IKZF3: variants seen among roughly 807,000 people sequenced by gnomAD.
The protein encoded by IKZF3 is zinc finger protein Aiolos.
In IKZF3, 10 loss-of-function variants were observed where a neutral mutation model predicts 49.0. That is an observed-to-expected ratio of 0.20 (90% CI 0.13 to 0.35). The LOEUF (loss-of-function observed/expected upper bound fraction) is 0.35. IKZF3 is among the 10% of genes least tolerant of loss of function. The probability of loss-of-function intolerance (pLI) is 1.00; values close to 1 mark genes in which losing one functional copy is unlikely to be tolerated. For missense variants in IKZF3, 498 were observed against 664.8 expected (o/e 0.75, Z 2.76); for synonymous variants, 209 against 228.2 (o/e 0.92, Z 0.76).
At chr17:39,821,214 C>T (rs1021120353) in intron 3 of IKZF3, among the ~76,000 whole-genome samples, 13 of 151,982 alleles carry the variant, frequency 8.6e-5, no homozygotes, top group Middle Eastern at 6.3e-3. Context: ...GAGCCCTTAA[C>T]CTGTGTGGTC....
chr17:39,852,612 A>T (rs145327054), intron 1 of IKZF3, among the ~76,000 whole-genome samples: 1 of 152,146 alleles, frequency 6.6e-6, no homozygotes, highest in African/African-American at 2.4e-5. Flanking sequence ...GTCTCCAGGC[A>T]CTATCCTGAG....
chr17:39,861,141 C>T (rs2063204705), intron 1 of IKZF3, among the ~76,000 whole-genome samples: 2 of 152,158 alleles, frequency 1.3e-5, no homozygotes. Context: ...CTGTCCTTCG[C>T]ATTCAGTGTA....
chr17:39,822,961 T>C (rs145450653), intron 3 of IKZF3, among the ~76,000 whole-genome samples: 3,031 of 152,118 alleles, frequency 0.02, 113 homozygotes, highest in African/African-American at 0.07. Context: ...GCTATAAAGA[T>C]ACCCAAAAAT....
chr17:39,863,416 C>A (rs1469824268), intron 1 of IKZF3, among the ~76,000 whole-genome samples: 2 of 151,774 alleles, frequency 1.3e-5, no homozygotes, highest in African/African-American at 2.4e-5. Context: ...TCCCACCATC[C>A]CCCCCCGAGT....
intron 1 of IKZF3, among the ~76,000 whole-genome samples, chr17:39,858,661 T>A (rs2063135198): frequency 6.6e-6 from 1 of 151,692 alleles, no homozygotes; most frequent in South Asian, 2.1e-4. Flanking sequence ...CAGGCGCCTG[T>A]AACCATCAAG....
chr17:39,855,122 T>C (rs1004713467), intron 1 of IKZF3, among the ~76,000 whole-genome samples: 3 of 152,180 alleles, frequency 2.0e-5, no homozygotes, highest in African/African-American at 4.8e-5. Context: ...GGCTGATCTA[T>C]GGCAAGAGGA....
chr17:39,831,212 C>T (rs112141468), intron 2 of IKZF3, among the ~76,000 whole-genome samples: 14,135 of 151,918 alleles, frequency 0.093, 1,351 homozygotes, highest in African/African-American at 0.25. Flanking sequence ...TGAAACCCCG[C>T]CTCTACTAAA....
chr17:39,799,387 AT>A (rs1308653556), intron 3 of IKZF3, among the ~76,000 whole-genome samples: 1 of 152,186 alleles, frequency 6.6e-6, no homozygotes, highest in African/African-American at 2.4e-5. Flanking sequence ...ACTTTCAATG[AT>A]TTCATTTGCT....
chr17:39,859,254 TTAA>T (rs1488882742), intron 1 of IKZF3, among the ~76,000 whole-genome samples: 1 of 151,882 alleles, frequency 6.6e-6, no homozygotes, highest in African/African-American at 2.4e-5. Context: ...GTAATATTAA[TTAA>T]TAAAGTTATA....
intron 3 of IKZF3, among the ~76,000 whole-genome samples, chr17:39,816,244 T>G (rs2061676219): frequency 6.6e-6 from 1 of 152,236 alleles, no homozygotes. Flanking sequence ...TACATGCATG[T>G]GATAAAAAGC....
chr17:39,830,227 T>C (rs2062073300), intron 2 of IKZF3, among the ~76,000 whole-genome samples: 1 of 152,248 alleles, frequency 6.6e-6, no homozygotes, highest in African/African-American at 2.4e-5. Flanking sequence ...GCTTTCTGTA[T>C]GCCAAATTCT....
chr17:39,846,126 C>T (rs1327110838), intron 1 of IKZF3, among the ~76,000 whole-genome samples: 1 of 152,106 alleles, frequency 6.6e-6, no homozygotes, highest in African/African-American at 2.4e-5. Context: ...TAACCAATCT[C>T]CTGATATGTT....
At chr17:39,770,443 T>C (rs1485733576) in intron 7 of IKZF3, among the ~76,000 whole-genome samples, 1 of 152,152 alleles carries the variant, frequency 6.6e-6, no homozygotes, top group African/African-American at 2.4e-5. Flanking sequence ...GTCAATGTCT[T>C]ATATCTTGGC....
intron 1 of IKZF3, among the ~76,000 whole-genome samples, chr17:39,853,833 TAA>T (rs34052978): frequency 2.0e-4 from 27 of 134,230 alleles, no homozygotes; most frequent in Admixed American, 3.0e-4. Context: ...AAACTCCGTC[TAA>T]AAAAAAAAAA....
At chr17:39,786,119 G>C (rs890666288) in intron 6 of IKZF3, among the ~76,000 whole-genome samples, 4 of 152,192 alleles carry the variant, frequency 2.6e-5, no homozygotes, top group African/African-American at 9.6e-5. Flanking sequence ...ATAATGTTCT[G>C]AAATAAGATA....
chr17:39,771,884 C>T (rs1355676211), intron 7 of IKZF3, among the ~76,000 whole-genome samples: 1 of 152,030 alleles, frequency 6.6e-6, no homozygotes, highest in Non-Finnish European at 1.5e-5. Flanking sequence ...GGACCACAGG[C>T]CCATGCCACC....
At chr17:39,802,221 CAAAAAAAAAAAAAAAAA>C (rs56029512) in intron 3 of IKZF3, among the ~76,000 whole-genome samples, 1 of 54,408 alleles carries the variant, frequency 1.8e-5, no homozygotes, top group Non-Finnish European at 3.0e-5. Flanking sequence ...GACTCCATCT[CAAAAAAAAAAAAAAAAA>C]AAAAAAAAGA....
intron 1 of IKZF3, among the ~76,000 whole-genome samples, chr17:39,847,969 A>G (rs1288178943): frequency 6.6e-6 from 1 of 152,236 alleles, no homozygotes; most frequent in African/African-American, 2.4e-5. Flanking sequence ...TTTAGATCCA[A>G]TTAATTTCAA....
intron 7 of IKZF3, among the ~76,000 whole-genome samples, chr17:39,775,517 T>C (rs2060556766): frequency 6.6e-6 from 1 of 152,230 alleles, no homozygotes; most frequent in Non-Finnish European, 1.5e-5. Flanking sequence ...CAACTTTTAT[T>C]ATATTAAGTA....
Sources: allele counts gnomAD v4.1 joint callset (sites outside exome capture counted in the v4.1 genomes callset), GRCh38; gene constraint gnomAD v4.1.1; transcripts MANE v1.5; gene names NCBI Gene and HGNC (gene_info 2026-07-23, HGNC 2026-07-21).